The following VAMP7 variants were observed in gnomAD, a reference collection of about 807,000 sequenced individuals.
The protein encoded by VAMP7 is vesicle-associated membrane protein 7.
Under a neutral mutation model 29.6 loss-of-function variants are expected in VAMP7, and 14 were observed. The observed-to-expected ratio is 0.47, with a 90% confidence interval of 0.31 to 0.74. VAMP7 has a LOEUF of 0.74. Among genes scored for constraint, VAMP7 ranks in the 30% least tolerant of loss-of-function variants. VAMP7 has a pLI of 0.05. For missense variants in VAMP7, 223 were observed against 262.4 expected (o/e 0.85, Z 1.04); for synonymous variants, 95 against 88.1 (o/e 1.08, Z -0.44).
intron 5 of VAMP7, among the ~76,000 whole-genome samples, chrX:155,901,626 G>A (rs1435578687): frequency 6.6e-6 from 1 of 152,016 alleles, no homozygotes; most frequent in African/African-American, 2.4e-5. Flanking sequence ...TATTAAATAG[G>A]GAATCCTTTC....
At chrX:155,894,802 G>A (rs2065966600) in intron 2 of VAMP7, among the ~76,000 whole-genome samples, 1 of 151,960 alleles carries the variant, frequency 6.6e-6, no homozygotes, top group Non-Finnish European at 1.5e-5. Flanking sequence ...TTTGTGTACA[G>A]ACGGGGTTTT....
intron 5 of VAMP7, among the ~76,000 whole-genome samples, chrX:155,912,503 C>T (rs978750034): frequency 6.6e-6 from 1 of 152,058 alleles, no homozygotes; most frequent in African/African-American, 2.4e-5. Flanking sequence ...AATGCTATTT[C>T]TCCCCTAGCC....
At chrX:155,929,183 T>C (rs1034234798) in intron 6 of VAMP7, among the ~76,000 whole-genome samples, 11 of 152,280 alleles carry the variant, frequency 7.2e-5, no homozygotes, top group Non-Finnish European at 1.2e-4. Flanking sequence ...AGTTTACACG[T>C]TTTTTATTTG....
intron 1 of VAMP7, among the ~76,000 whole-genome samples, chrX:155,885,898 T>C (rs2065859378): frequency 6.6e-6 from 1 of 152,162 alleles, no homozygotes; most frequent in Non-Finnish European, 1.5e-5. Flanking sequence ...AGGCGATACA[T>C]TTCTGTTGTT....
At chrX:155,935,077 G>T (rs1343806918) in intron 6 of VAMP7, among the ~76,000 whole-genome samples, 2 of 152,272 alleles carry the variant, frequency 1.3e-5, no homozygotes, top group Non-Finnish European at 2.9e-5. Context: ...TCAGCTGTTA[G>T]TCTGATGGGC....
At chrX:155,917,216 T>C (rs2066325977) in intron 5 of VAMP7, among the ~76,000 whole-genome samples, 1 of 152,204 alleles carries the variant, frequency 6.6e-6, no homozygotes, top group South Asian at 2.1e-4. Context: ...TCAGGTCATT[T>C]ATGTTCTTCT....
At chrX:155,929,279 T>A (rs1328761103) in intron 6 of VAMP7, among the ~76,000 whole-genome samples, 1 of 152,150 alleles carries the variant, frequency 6.6e-6, no homozygotes, top group Non-Finnish European at 1.5e-5. Context: ...ACAAGTAGGT[T>A]TTTAAAGGAA....
rs749518575 is a variant in VAMP7 at position 155,936,803 on chromosome X, G to C, written c.502-2898G>C. ...ACGCTGGGGGCTGTAGACTGGAGCT[G>C]TTCCTATTTGGCCATCTTGGAACAG... On this transcript the variant is annotated intron_variant, in intron 6 of 7. Transcript: ENST00000286448. 6.6e-5 allele frequency among the ~76,000 whole-genome samples: 10 copies of C among 152,242 alleles called. No individual in the cohort carries two copies. The East Asian group carries it at 1.9e-3, about 29-fold the overall frequency.
rs759858444 is a variant in VAMP7 at position 155,915,691 on chromosome X, T to A, written c.434-4122T>A. 2.6e-5 allele frequency among the ~76,000 whole-genome samples: 4 copies of A among 152,346 alleles called. No individual in the cohort carries two copies. The South Asian group carries it at 8.3e-4, about 32-fold the overall frequency. ...GTGCAGTTTTGAGTGAGTTTCTTAA[T>A]CCTGAGTTCTAATTTGATGGCACTG... On this transcript the variant is annotated intron_variant, in intron 5 of 7. Transcript: ENST00000286448.
chrX:155,885,246 A>T (rs994977729), intron 1 of VAMP7, among the ~76,000 whole-genome samples: 1 of 152,124 alleles, frequency 6.6e-6, no homozygotes, highest in Non-Finnish European at 1.5e-5. Flanking sequence ...TCTAACTCCA[A>T]ACTGTTGTGG....
In VAMP7 at chrX:155,936,652, G is replaced by A. The variant is rs149778883; in HGVS notation, c.502-3049G>A. 6.2e-3 allele frequency among the ~76,000 whole-genome samples: 946 copies of A among 152,316 alleles called. 14 individuals carry two copies. The highest frequency in any genetic ancestry group is 0.022 in the African/African-American group (903 of 41,584). Reference sequence around the variant, plus strand: ...CCCTGACCCCTTGTGCTTCCCGGGTGAGGCGATGTCTCGCCCTGCTTCGGC... The same window carrying A: ...CCCTGACCCCTTGTGCTTCCCGGGTAAGGCGATGTCTCGCCCTGCTTCGGC... On this transcript the variant is annotated intron_variant, in intron 6 of 7. Coordinates refer to ENST00000286448, the MANE Select transcript of VAMP7 (RefSeq NM_005638.6).
At chrX:155,904,500 C>T (rs976672137) in intron 5 of VAMP7, among the ~76,000 whole-genome samples, 2 of 151,996 alleles carry the variant, frequency 1.3e-5, no homozygotes, top group African/African-American at 4.8e-5. Flanking sequence ...TCAGTGGTTA[C>T]TATATTCACA....
chrX:155,912,892 G>T (rs2066258223), intron 5 of VAMP7, among the ~76,000 whole-genome samples: 1 of 152,050 alleles, frequency 6.6e-6, no homozygotes. Context: ...GGGATTGCTG[G>T]GTCAAATGGT....
At chrX:155,919,005 C>T (rs2066355742) in intron 5 of VAMP7, among the ~76,000 whole-genome samples, 1 of 152,128 alleles carries the variant, frequency 6.6e-6, no homozygotes, top group African/African-American at 2.4e-5. Context: ...AGGATTTTTG[C>T]ATCTGTGATC....
At chrX:155,934,617 T>G (rs755332523) in intron 6 of VAMP7, among the ~76,000 whole-genome samples, 115 of 152,292 alleles carry the variant, frequency 7.6e-4, no homozygotes, top group Non-Finnish European at 2.1e-4. Flanking sequence ...ATGGATTTCC[T>G]GAATACAGCA....
At chrX:155,929,108 C>G (rs763685038) in intron 6 of VAMP7, among the ~76,000 whole-genome samples, 2 of 152,244 alleles carry the variant, frequency 1.3e-5, no homozygotes, top group Admixed American at 1.3e-4. Flanking sequence ...TCTCAAAATT[C>G]TCTGAATATT....
intron 6 of VAMP7, among the ~76,000 whole-genome samples, chrX:155,922,070 G>A (rs2066404210): frequency 6.6e-6 from 1 of 151,926 alleles, no homozygotes; most frequent in African/African-American, 2.4e-5. Context: ...TTTGTATTGT[G>A]TAACAAATTT....
chrX:155,927,216 G>C (rs2066480076), intron 6 of VAMP7, among the ~76,000 whole-genome samples: 1 of 151,876 alleles, frequency 6.6e-6, no homozygotes, highest in Non-Finnish European at 1.5e-5. Flanking sequence ...ACTGGGGCCT[G>C]TCGGGGAGTG....
At position 155,942,488 on chromosome X, in the gene VAMP7, C is replaced by T. The variant is rs1049222439; in HGVS notation, c.*537C>T. 1 of 263,912 alleles carries T rather than the reference C, an allele frequency of 3.8e-6. No individual in the cohort carries two copies. 16.3% of individuals were successfully genotyped at this position (263,912 alleles called of 1,614,324 possible). A position where few individuals can be genotyped will look rare whatever the true frequency, so the allele number is the denominator to read the frequency against. On this transcript the variant is annotated 3_prime_UTR_variant, in exon 8 of 8. Transcript: ENST00000286448. ...GAGCTCAGACAAGTAAAGTATGAAA[C>T]ATTCTTATTTCAGTTAGATGGGGAA... is the stretch of plus-strand genomic sequence containing the variant.
Sources: gnomAD v4.1 joint callset for allele counts (sites outside exome capture counted in the v4.1 genomes callset) on GRCh38, gnomAD v4.1.1 for gene constraint, MANE v1.5 for transcripts, NCBI Gene and HGNC (gene_info 2026-07-23, HGNC 2026-07-21) for gene names.